Variants in TSNARE1 observed in about 807,000 individuals in gnomAD.
TSNARE1 encodes t-SNARE domain containing 1, also known as t-SNARE domain-containing protein 1.
Under a neutral mutation model 62.0 loss-of-function variants are expected in TSNARE1, and 49 were observed. The observed-to-expected ratio is 0.79, with a 90% CI of 0.63 to 1.00. The LOEUF is 1.00. Ranked by LOEUF, TSNARE1 falls within the 50% of genes least tolerant of loss-of-function variation. The probability of loss-of-function intolerance (pLI) is 0.00; values close to 1 mark genes in which losing one functional copy is unlikely to be tolerated. For synonymous variants in TSNARE1, 328 were observed against 294.4 expected, an observed-to-expected ratio of 1.11 and a Z score of -1.17; for missense variants, 755 against 700.1, an observed-to-expected ratio of 1.08 and a Z score of -0.88.
chr8:142,296,284 GGTCATGGGGGAGGGGGTGGTGACT>G lies in TSNARE1; in HGVS notation c.1290+4178_1290+4201del, dbSNP rs1167663877. On this transcript the variant is annotated intron_variant, in intron 10 of 13. Transcript: ENST00000524325. The stretch of plus-strand genomic sequence containing the variant: ...CCGTCATGGGGGAGGGGGCAGTGAT[GGTCATGGGGGAGGGGGTGGTGACT>G]GTCATGGGGGAGGGGGTGGTGACTG... 4.9e-3 allele frequency among the ~76,000 whole-genome samples: 250 copies of G among 50,900 alleles called. 9 individuals carry two copies. The highest frequency in any genetic ancestry group is 0.016 in the African/African-American group (174 of 10,898). 33.4% of individuals were successfully genotyped at this position (50,900 alleles called of 152,430 possible).
intron 10 of TSNARE1, among the ~76,000 whole-genome samples, chr8:142,296,807 G>C (rs968741255): frequency 6.6e-6 from 1 of 151,704 alleles, no homozygotes; most frequent in Non-Finnish European, 1.5e-5. Flanking sequence ...GTCCCCACAG[G>C]CTCCCCAGGA....
chr8:142,331,496 G>A lies in TSNARE1; in HGVS notation c.823+258C>T, dbSNP rs564350015. Among the ~76,000 whole-genome samples the A allele has an allele frequency of 9.8e-5, 15 of 152,318 alleles. No homozygotes were observed. In the South Asian group the frequency reaches 1.9e-3, roughly 19 times the overall value. ...GGGGCAGCAGGCAGGAGCAGCCAGC[G>A]GGAGCGGTACCCGGCCCTGACCCAG... On this transcript the variant is annotated intron_variant, in intron 5 of 13. Coordinates refer to ENST00000524325, the MANE Select transcript of TSNARE1 (RefSeq NM_145003.5).
At chr8:142,261,089 A>G (rs1818859148) in intron 12 of TSNARE1, among the ~76,000 whole-genome samples, 8 of 45,204 alleles carry the variant, frequency 1.8e-4, no homozygotes, top group East Asian at 6.8e-4. Context: ...GAAAGGAGGA[A>G]GGAGGGAAGA....
At chr8:142,278,635 G>A (rs889693069) in intron 11 of TSNARE1, 24 of 985,304 alleles carry the variant, frequency 2.4e-5, no homozygotes, top group Middle Eastern at 5.2e-4. Flanking sequence ...CAGAGCCAGC[G>A]TCACCCTTGG....
chr8:142,212,750 G>A (rs1265373096), intron 13 of TSNARE1, among the ~76,000 whole-genome samples: 1 of 150,994 alleles, frequency 6.6e-6, no homozygotes, highest in Non-Finnish European at 1.5e-5. Context: ...CCCACGAGAC[G>A]ACCCTACCTC....
rs1277603416 is a variant in TSNARE1 at position 142,319,038 on chromosome 8, G to C, written c.894-404C>G. On this transcript the variant is annotated intron_variant, in intron 6 of 13. Coordinates refer to ENST00000524325, the MANE Select transcript of TSNARE1 (RefSeq NM_145003.5). The surrounding 1 kb of genome is among the most constrained non-coding windows in gnomAD (Gnocchi z 4.9). ...GCAGACACACAGCAAGAGGCAGTGGGGGCAGAAAGGCAGGCAGAGAGAGAC... is the reference window on the plus strand; with the variant it reads ...GCAGACACACAGCAAGAGGCAGTGGCGGCAGAAAGGCAGGCAGAGAGAGAC... Among the ~76,000 whole-genome samples, 1 of 151,592 alleles carries C rather than the reference G, an allele frequency of 6.6e-6. No homozygotes were observed. Among genetic ancestry groups the C allele is most frequent in the Non-Finnish European group, 1.5e-5 (1 of 67,856 alleles).
chr8:142,369,921 C>T (rs1272771555), intron 1 of TSNARE1, among the ~76,000 whole-genome samples: 2 of 152,232 alleles, frequency 1.3e-5, no homozygotes, highest in African/African-American at 2.4e-5. Flanking sequence ...GAAAGGCATT[C>T]ACTCTAGACT....
intron 4 of TSNARE1, among the ~76,000 whole-genome samples, chr8:142,342,342 G>A (rs1586912503): frequency 6.6e-6 from 1 of 152,360 alleles, no homozygotes; most frequent in Admixed American, 6.5e-5. Context: ...GTGGGGCTGG[G>A]AGCACTTGCT....
chr8:142,257,559 A>G (rs970967529), intron 12 of TSNARE1, among the ~76,000 whole-genome samples: 12 of 152,110 alleles, frequency 7.9e-5, no homozygotes, highest in African/African-American at 2.9e-4. Flanking sequence ...TGGCTCCGGG[A>G]CACTGGGCAG....
intron 1 of TSNARE1, among the ~76,000 whole-genome samples, chr8:142,393,591 C>A (rs35755256): frequency 0.035 from 5,281 of 152,336 alleles, 152 homozygotes; most frequent in Non-Finnish European, 0.056. Flanking sequence ...AGATGCCAAA[C>A]GCCACGCCCG....
chr8:142,362,925 G>A (rs775942311), intron 1 of TSNARE1, among the ~76,000 whole-genome samples: 19 of 152,170 alleles, frequency 1.2e-4, no homozygotes, highest in Non-Finnish European at 2.5e-4. Context: ...GATGAAACAT[G>A]TGAGCCACAC....
At chr8:142,350,909 C>T (rs1834013471) in intron 2 of TSNARE1, among the ~76,000 whole-genome samples, 1 of 152,188 alleles carries the variant, frequency 6.6e-6, no homozygotes, top group East Asian at 1.9e-4. Flanking sequence ...CACGGGATCT[C>T]GGGAGGCTCC....
At position 142,226,436 on chromosome 8, in the gene TSNARE1, G is replaced by T. The variant is rs560059515; in HGVS notation, c.*11+3037C>A. ...GCCTCCCGCCCACCTCTCAGCCCAC[G>T]CTGTCCTGCTTGCGTCTGCCCCTAT... On this transcript the variant is annotated intron_variant, in intron 13 of 13. Coordinates refer to ENST00000524325, the MANE Select transcript of TSNARE1 (RefSeq NM_145003.5). 7.9e-5 allele frequency among the ~76,000 whole-genome samples: 12 copies of T among 152,274 alleles called. No homozygotes were observed. The East Asian group carries it at 2.3e-3, about 29-fold the overall frequency.
At chr8:142,327,552 C>G (rs1413444523) in intron 6 of TSNARE1, among the ~76,000 whole-genome samples, 1 of 152,226 alleles carries the variant, frequency 6.6e-6, no homozygotes, top group Non-Finnish European at 1.5e-5. Flanking sequence ...GGCCCCCTCA[C>G]AGAGCCCTCC....
intron 12 of TSNARE1, among the ~76,000 whole-genome samples, chr8:142,258,077 C>T (rs1818675092): frequency 6.6e-6 from 1 of 152,158 alleles, no homozygotes; most frequent in Non-Finnish European, 1.5e-5. Flanking sequence ...AACCTATGCT[C>T]ATGCACACAC....
chr8:142,274,272 TGTG>T, intron 12 of TSNARE1: 5 of 985,416 alleles, frequency 5.1e-6, no homozygotes, highest in Non-Finnish European at 1.2e-6. Context: ...CAGGTCTTCT[TGTG>T]GTGACCACAA....
intron 1 of TSNARE1, among the ~76,000 whole-genome samples, chr8:142,356,622 T>A (rs1249651739): frequency 6.6e-6 from 1 of 152,148 alleles, no homozygotes; most frequent in Non-Finnish European, 1.5e-5. Context: ...GAGAAAACTT[T>A]AACACGTAAC....
chr8:142,275,244 G>A (rs1480000261), intron 11 of TSNARE1: 7 of 985,324 alleles, frequency 7.1e-6, no homozygotes, highest in Non-Finnish European at 8.4e-6. Flanking sequence ...CCCCTCTGAA[G>A]GGGCAAAGCC....
chr8:142,282,917 A>G (rs1485139222), intron 11 of TSNARE1, among the ~76,000 whole-genome samples: 2 of 145,392 alleles, frequency 1.4e-5, no homozygotes, highest in Non-Finnish European at 3.0e-5. Flanking sequence ...GTGTCTGTCA[A>G]TGAGCGGAGG....
Sources: gnomAD v4.1 joint callset for allele counts (sites outside exome capture counted in the v4.1 genomes callset) on GRCh38, gnomAD v4.1.1 for gene constraint, Gnocchi (gnomAD v3.1) non-coding constraint, MANE v1.5 for transcripts, NCBI Gene and HGNC (gene_info 2026-07-23, HGNC 2026-07-21) for gene names.